The following RAB5A variants were observed in gnomAD, a reference collection of about 807,000 sequenced individuals.
RAB5A encodes ras-related protein Rab-5A.
In RAB5A, 8 loss-of-function variants were observed where a neutral mutation model predicts 25.7. That is an observed-to-expected ratio of 0.31 (90% confidence interval 0.18 to 0.56). The LOEUF (loss-of-function observed/expected upper bound fraction) is 0.56. Among genes scored for constraint, RAB5A ranks in the 20% least tolerant of loss-of-function variants. The pLI is 0.91. For missense variants in RAB5A, 192 were observed against 259.7 expected (o/e 0.74, Z 1.79); for synonymous variants, 98 against 89.8 (o/e 1.09, Z -0.52).
At chr3:19,977,493 A>G (rs547228475) in intron 4 of RAB5A, among the ~76,000 whole-genome samples, 1 of 152,342 alleles carries the variant, frequency 6.6e-6, no homozygotes, top group Non-Finnish European at 1.5e-5. Flanking sequence ...GATGACGTAG[A>G]TGGAATCCAT....
At chr3:19,952,251 C>G (rs1186665348) in intron 2 of RAB5A, among the ~76,000 whole-genome samples, 1 of 152,150 alleles carries the variant, frequency 6.6e-6, no homozygotes, top group African/African-American at 2.4e-5. Context: ...TCTTTTGGGC[C>G]TCTGTTTCAT....
At chr3:19,961,952 T>C (rs77653600) in intron 2 of RAB5A, among the ~76,000 whole-genome samples, 8,549 of 152,304 alleles carry the variant, frequency 0.056, 994 homozygotes, top group East Asian at 0.51. Flanking sequence ...AATTATTTTG[T>C]CATCTCCATG....
At chr3:19,983,066 A>G (rs1288060497) in intron 5 of RAB5A, among the ~76,000 whole-genome samples, 1 of 152,156 alleles carries the variant, frequency 6.6e-6, no homozygotes, top group Non-Finnish European at 1.5e-5. Context: ...GCCAGGTGCC[A>G]TGGCTCACGC....
At chr3:19,964,392 A>T (rs2125185477) in intron 2 of RAB5A, among the ~76,000 whole-genome samples, 1 of 152,118 alleles carries the variant, frequency 6.6e-6, no homozygotes, top group Non-Finnish European at 1.5e-5. Context: ...TTTTAAAAAT[A>T]CCCTTTGTTT....
At chr3:19,977,384 T>C (rs1696842496) in intron 4 of RAB5A, among the ~76,000 whole-genome samples, 1 of 152,214 alleles carries the variant, frequency 6.6e-6, no homozygotes, top group African/African-American at 2.4e-5. Context: ...TACTTAGACC[T>C]TTTAAAACTG....
intron 2 of RAB5A, among the ~76,000 whole-genome samples, chr3:19,957,392 G>A (rs1180521389): frequency 6.6e-6 from 1 of 151,866 alleles, no homozygotes; most frequent in Admixed American, 6.6e-5. Context: ...TAAGTGCCGG[G>A]TGCATGGCTC....
At chr3:19,968,397 A>G (rs902179689) in intron 2 of RAB5A, among the ~76,000 whole-genome samples, 2 of 152,152 alleles carry the variant, frequency 1.3e-5, no homozygotes, top group African/African-American at 4.8e-5. Context: ...AAACCAGAAA[A>G]TCTGATTTAT....
intron 2 of RAB5A, 163 bp from the exon 3 acceptor site, chr3:19,975,438 T>C (rs752507655): frequency 6.6e-5 from 40 of 606,510 alleles, no homozygotes; most frequent in Non-Finnish European, 9.8e-5. Context: ...GTGTTTTCTT[T>C]TTTTTTCCCC....
At chr3:19,954,899 G>A (rs1447186439) in intron 2 of RAB5A, among the ~76,000 whole-genome samples, 9 of 152,106 alleles carry the variant, frequency 5.9e-5, no homozygotes, top group East Asian at 1.9e-4. Context: ...ATGAAATTGC[G>A]TGCCGTAGAT....
chr3:19,968,418 C>G (rs1361507328), intron 2 of RAB5A, among the ~76,000 whole-genome samples: 5 of 152,148 alleles, frequency 3.3e-5, no homozygotes. Flanking sequence ...TATACTCTAG[C>G]CAAACTACCC....
At chr3:19,959,394 T>C (rs1434526066) in intron 2 of RAB5A, among the ~76,000 whole-genome samples, 1 of 152,006 alleles carries the variant, frequency 6.6e-6, no homozygotes, top group African/African-American at 2.4e-5. Context: ...TATGCCACTT[T>C]TTAAAAATTA....
chr3:19,974,376 A>G (rs1260815397), intron 2 of RAB5A, among the ~76,000 whole-genome samples: 2 of 151,866 alleles, frequency 1.3e-5, no homozygotes, highest in African/African-American at 4.8e-5. Flanking sequence ...GATGGTCTTG[A>G]TCTCCTGACC....
chr3:19,959,696 T>C (rs1696558391), intron 2 of RAB5A, among the ~76,000 whole-genome samples: 1 of 149,866 alleles, frequency 6.7e-6, no homozygotes, highest in South Asian at 2.1e-4. Context: ...GATGTGATCA[T>C]GGCTCTCTGC....
Position 19,984,351 on chromosome 3 carries a change from C to A in RAB5A, c.*528C>A. On this transcript the variant is annotated 3_prime_UTR_variant, in exon 6 of 6. Transcript: ENST00000273047. ...AATAAATTAACCACAAGAAAATAATCCCACATATACAAGGTCAGGGGTGGG... is the reference window on the plus strand; with the variant it reads ...AATAAATTAACCACAAGAAAATAATACCACATATACAAGGTCAGGGGTGGG... 1 of 386,836 alleles carries A rather than the reference C, an allele frequency of 2.6e-6. No individual in the cohort carries two copies. Among genetic ancestry groups the A allele is most frequent in the Non-Finnish European group, 5.0e-6 (1 of 198,326 alleles). 24.0% of individuals were successfully genotyped at this position (386,836 alleles called of 1,614,324 possible). A position where few individuals can be genotyped will look rare whatever the true frequency, so the allele number is the denominator to read the frequency against.
At chr3:19,964,654 C>G (rs1356113831) in intron 2 of RAB5A, among the ~76,000 whole-genome samples, 1 of 152,150 alleles carries the variant, frequency 6.6e-6, no homozygotes, top group South Asian at 2.1e-4. Context: ...GACGGAGTCA[C>G]CCAGGGTGGA....
intron 2 of RAB5A, among the ~76,000 whole-genome samples, chr3:19,968,718 C>T (rs1298706631): frequency 6.6e-6 from 1 of 152,232 alleles, no homozygotes. Context: ...GCCTCAGCCT[C>T]CCACAGTGTG....
In RAB5A at chr3:19,947,459, G is replaced by A. The variant is rs2125175165; in HGVS notation, c.-156G>A. 1 of 154,382 alleles carries A rather than the reference G, an allele frequency of 6.5e-6. No individual in the cohort carries two copies. The highest frequency in any genetic ancestry group is 1.9e-4 in the East Asian group (1 of 5,198). 9.6% of individuals were successfully genotyped at this position (154,382 alleles called of 1,614,324 possible). On this transcript the variant is annotated 5_prime_UTR_variant, in exon 1 of 6. Coordinates refer to ENST00000273047, the MANE Select transcript of RAB5A (RefSeq NM_004162.5). ...CCATAGATACACTCTCATCCTACGG[G>A]CCACGCCTGGGCCTTGCTGCCAGGA...
chr3:19,982,806 C>T (rs1339628848), intron 5 of RAB5A, among the ~76,000 whole-genome samples: 5 of 150,880 alleles, frequency 3.3e-5, no homozygotes, highest in African/African-American at 1.2e-4. Flanking sequence ...TGTTTTAAGG[C>T]CAAAGGCTGT....
chr3:19,956,740 G>A (rs1696508238), intron 2 of RAB5A, among the ~76,000 whole-genome samples: 3 of 152,156 alleles, frequency 2.0e-5, no homozygotes, highest in Non-Finnish European at 4.4e-5. Flanking sequence ...TTACCACAAT[G>A]CCTGGCACAG....
Sources: allele counts gnomAD v4.1 joint callset (sites outside exome capture counted in the v4.1 genomes callset), GRCh38; gene constraint gnomAD v4.1.1; transcripts MANE v1.5; gene names NCBI Gene and HGNC (gene_info 2026-07-23, HGNC 2026-07-21).